UBQLN2: variants seen among roughly 807,000 people sequenced by gnomAD.
UBQLN2 encodes ubiquilin-2.
Under a neutral mutation model 22.2 loss-of-function variants are expected in UBQLN2, and 2 were observed. That is an observed-to-expected ratio of 0.09 (90% CI 0.04 to 0.28). The LOEUF (loss-of-function observed/expected upper bound fraction) is 0.28. UBQLN2 is among the 10% of genes least tolerant of loss of function. The pLI is 1.00. For synonymous variants in UBQLN2, 252 were observed against 206.7 expected, an observed-to-expected ratio of 1.22 and a Z score of -1.88; for missense variants, 446 against 505.1, an observed-to-expected ratio of 0.88 and a Z score of 1.12.
rs1256661025 is a variant in UBQLN2 at position 56,567,479 on chromosome X, T to C, written c.*1731T>C. On this transcript the variant is annotated 3_prime_UTR_variant, in exon 1 of 1. Transcript: ENST00000338222. ...AGAATTGCATTGCTTTCCAGAAACA[T>C]GTTGCCTTGTTTCTGAAAAACTTTA... 8.1e-6 allele frequency: 1 copy of C among 123,027 alleles called. No individual in the cohort carries two copies. The highest frequency in any genetic ancestry group is 1.9e-5 in the Non-Finnish European group (1 of 53,113). The allele number at this position is 123,027 out of a possible 1,213,427, so 10.1% of individuals were successfully genotyped here. A position where few individuals can be genotyped will look rare whatever the true frequency, so the allele number is the denominator to read the frequency against.
In UBQLN2 at chrX:56,563,841, CCTTCCCTGCCCGCCTGCGT is replaced by C. The variant is rs755958281; in HGVS notation, c.-31_-13del. 3 of 1,094,774 alleles carry C rather than the reference CCTTCCCTGCCCGCCTGCGT, an allele frequency of 2.7e-6. No homozygotes were observed. The highest frequency in any genetic ancestry group is 3.6e-6 in the Non-Finnish European group (3 of 824,226). 90.2% of individuals were successfully genotyped at this position (1,094,774 alleles called of 1,213,427 possible). A position where few individuals can be genotyped will look rare whatever the true frequency, so the allele number is the denominator to read the frequency against. ...GCGCTCTCTCTTTCGCCCGCCCGCG[CCTTCCCTGCCCGCCTGCGT>C]CACCGCGGCCGCCATGGCTGAGAAT... On this transcript the variant is annotated 5_prime_UTR_variant, in exon 1 of 1. Transcript: ENST00000338222.
At position 56,564,214 on chromosome X, in the gene UBQLN2, A is replaced by T. The variant is rs201383325; in HGVS notation, c.341A>T (p.Gln114Leu). 1 of 1,208,869 alleles carries T rather than the reference A, an allele frequency of 8.3e-7. No individual in the cohort carries two copies. Among genetic ancestry groups the T allele is most frequent in the East Asian group, 3.0e-5 (1 of 33,743 alleles). ...SQNRPQGQST[Q>L]PSNAAGTNTT... ...AACCGACCTCAGGGCCAGTCCACGC[A>T]GCCTAGCAATGCCGCGGGAACTAAC... Residue 114 changes from glutamine to leucine, a missense_variant, in exon 1 of 1, where the codon CAG becomes CTG. Around this residue, in one of 3 missense-constraint regions of UBQLN2, gnomAD observed 129 missense variants for 198.1 expected, o/e 0.65. Transcript: ENST00000338222.
rs929929551 is a variant in UBQLN2 at position 56,566,364 on chromosome X, A to T, written c.*616A>T. 11 of 130,979 alleles carry T rather than the reference A, an allele frequency of 8.4e-5. No homozygotes were observed. Among genetic ancestry groups the T allele is most frequent in the African/African-American group, 3.6e-4 (11 of 30,945 alleles). The allele number at this position is 130,979 out of a possible 1,213,427, so 10.8% of individuals were successfully genotyped here. ...CATTGATCTTTTTTGCTATATTTGT[A>T]TACAGTACAGTAAGCACAATTGGCA... On this transcript the variant is annotated 3_prime_UTR_variant, in exon 1 of 1. Coordinates refer to ENST00000338222, the MANE Select transcript of UBQLN2 (RefSeq NM_013444.4).
At position 56,564,730 on chromosome X, in the gene UBQLN2, A is replaced by G. The variant is rs2146636094; in HGVS notation, c.857A>G (p.Gln286Arg). 8.3e-7 allele frequency: 1 copy of G among 1,211,714 alleles called. No homozygotes were observed. The highest frequency in any genetic ancestry group is 1.1e-6 in the Non-Finnish European group (1 of 895,513). ...QEPMLNAAQE[Q>R]FGGNPFASVG... ...CCGATGCTGAATGCCGCACAAGAGC[A>G]GTTTGGGGGTAATCCATTTGCCTCC... Residue 286 changes from glutamine (Q) to arginine (R), a missense_variant, in exon 1 of 1, where the codon CAG (glutamine) becomes CGG (arginine). Coordinates refer to ENST00000338222, the MANE Select transcript of UBQLN2 (RefSeq NM_013444.4).
Position 56,567,447 on chromosome X carries a change from G to A in UBQLN2, c.*1699G>A, listed in dbSNP as rs991983752. 8.1e-6 allele frequency: 1 copy of A among 122,906 alleles called. No individual in the cohort carries two copies. The highest frequency in any genetic ancestry group is 1.9e-5 in the Non-Finnish European group (1 of 53,091). The allele number at this position is 122,906 out of a possible 1,213,427, so 10.1% of individuals were successfully genotyped here. ...TTCTCTTAAATTGATATGACTGTGA[G>A]GACTACAGAATTGCATTGCTTTCCA... On this transcript the variant is annotated 3_prime_UTR_variant, in exon 1 of 1. Coordinates refer to ENST00000338222, the MANE Select transcript of UBQLN2 (RefSeq NM_013444.4).
In UBQLN2 at chrX:56,567,814, C is replaced by T. The variant is rs1218340488; in HGVS notation, c.*2066C>T. ...TCAAAATTTATAACATAATTTCTGA[C>T]TGCATGGGTTAAACATTTTCATAAC... On this transcript the variant is annotated 3_prime_UTR_variant, in exon 1 of 1. Transcript: ENST00000338222. The T allele has an allele frequency of 2.5e-5, 3 of 122,412 alleles. No individual in the cohort carries two copies. The highest frequency in any genetic ancestry group is 5.7e-5 in the Non-Finnish European group (3 of 53,031). The allele number at this position is 122,412 out of a possible 1,213,427, so 10.1% of individuals were successfully genotyped here. A position where few individuals can be genotyped will look rare whatever the true frequency, so the allele number is the denominator to read the frequency against.
chrX:56,564,355 C>G lies in UBQLN2; in HGVS notation c.482C>G (p.Ser161Trp), dbSNP rs1406694645. Residue 161 changes from serine (S) to tryptophan (W), a missense_variant, in exon 1 of 1, where the codon TCG becomes TGG. Around this residue, in one of 3 missense-constraint regions of UBQLN2, gnomAD observed 129 missense variants for 198.1 expected, o/e 0.65. Transcript: ENST00000338222. ...LAGLSSLGLS[S>W]TNFSELQSQM... ...GGCCTTAGCAGCCTGGGCTTGAGCT[C>G]GACCAACTTCTCTGAGCTCCAGAGC... 1 of 1,211,667 alleles carries G rather than the reference C, an allele frequency of 8.3e-7. No individual in the cohort carries two copies. Among genetic ancestry groups the G allele is most frequent in the East Asian group, 3.0e-5 (1 of 33,819 alleles).
In UBQLN2 at chrX:56,563,840, G is replaced by A. The variant is rs1298044294; in HGVS notation, c.-34G>A. 1.6e-5 allele frequency: 17 copies of A among 1,085,228 alleles called. No individual in the cohort carries two copies. Among genetic ancestry groups the A allele is most frequent in the Non-Finnish European group, 2.1e-5 (17 of 816,518 alleles). 89.4% of individuals were successfully genotyped at this position (1,085,228 alleles called of 1,213,427 possible). A position where few individuals can be genotyped will look rare whatever the true frequency, so the allele number is the denominator to read the frequency against. ...CGCGCTCTCTCTTTCGCCCGCCCGC[G>A]CCTTCCCTGCCCGCCTGCGTCACCG... On this transcript the variant is annotated 5_prime_UTR_variant, in exon 1 of 1. Coordinates refer to ENST00000338222, the MANE Select transcript of UBQLN2 (RefSeq NM_013444.4).
chrX:56,563,957 T>C lies in UBQLN2; in HGVS notation c.84T>C (p.Ala28=). The change falls in exon 1 of 1, where the codon GCT becomes GCC. Residue 28 remains alanine (A), a synonymous_variant. Transcript: ENST00000338222. ...CCCAAGGCTCGGCTGCTGCCCCGGCTGAGCCTAAAATCATCAAAGTCACGG... is the reference window on the plus strand; with the variant it reads ...CCCAAGGCTCGGCTGCTGCCCCGGCCGAGCCTAAAATCATCAAAGTCACGG... The part of the protein sequence containing the change: ...AAAQGSAAAP[A]EPKIIKVTVK... 1 of 1,163,834 alleles carries C rather than the reference T, an allele frequency of 8.6e-7. No individual in the cohort carries two copies. Among genetic ancestry groups the C allele is most frequent in the Non-Finnish European group, 1.1e-6 (1 of 869,799 alleles).
Position 56,564,050 on chromosome X carries a change from A to G in UBQLN2, c.177A>G (p.Glu59=). The stretch of plus-strand genomic sequence containing the variant: ...ACAGCTCGGTTCAGCAGTTTAAGGA[A>G]GCGATTTCGAAACGCTTCAAATCCC... The part of the protein sequence containing the change: ...PENSSVQQFK[E]AISKRFKSQT... The change falls in exon 1 of 1, where the codon GAA becomes GAG. Residue 59 remains glutamate (E), a synonymous_variant. Transcript: ENST00000338222. The G allele has an allele frequency of 8.3e-7, 1 of 1,199,828 alleles. No homozygotes were observed. Among genetic ancestry groups the G allele is most frequent in the Non-Finnish European group, 1.1e-6 (1 of 888,894 alleles).
Position 56,566,087 on chromosome X carries a change from T to G in UBQLN2, c.*339T>G. On this transcript the variant is annotated 3_prime_UTR_variant, in exon 1 of 1. Coordinates refer to ENST00000338222, the MANE Select transcript of UBQLN2 (RefSeq NM_013444.4). The stretch of plus-strand genomic sequence containing the variant: ...ACTCAAAAGTGTTGCATGCAAACAC[T>G]TCTCTTTATTCTGCATTTATTGTGA... 1 of 297,184 alleles carries G rather than the reference T, an allele frequency of 3.4e-6. No homozygotes were observed. The highest frequency in any genetic ancestry group is 6.2e-6 in the Non-Finnish European group (1 of 161,733). 24.5% of individuals were successfully genotyped at this position (297,184 alleles called of 1,213,427 possible). A position where few individuals can be genotyped will look rare whatever the true frequency, so the allele number is the denominator to read the frequency against.
rs1443876787 is a variant in UBQLN2 at position 56,563,761 on chromosome X, C to T, written c.-113C>T. 5.2e-6 allele frequency: 3 copies of T among 582,104 alleles called. No homozygotes were observed. Among genetic ancestry groups the T allele is most frequent in the Non-Finnish European group, 8.0e-6 (3 of 372,817 alleles). The allele number at this position is 582,104 out of a possible 1,213,427, so 48.0% of individuals were successfully genotyped here. On this transcript the variant is annotated 5_prime_UTR_variant, in exon 1 of 1. Transcript: ENST00000338222. The stretch of plus-strand genomic sequence containing the variant: ...CAGAGGTACCGTGCTCCGCGCTCCC[C>T]GCCTGACCCGGCCCAGCCCGCTGCG...
In UBQLN2 at chrX:56,565,292, T is replaced by C. The variant is rs770763322; in HGVS notation, c.1419T>C (p.Ile473=). The stretch of plus-strand genomic sequence containing the variant: ...TAGCCACTGAAGCACCTGGCCTGAT[T>C]CCGAGCTTCACTCCAGGTGTGGGGG... ...QTLATEAPGL[I]PSFTPGVGVG... The change falls in exon 1 of 1, where the codon ATT becomes ATC. Residue 473 remains isoleucine (I), a synonymous_variant. Transcript: ENST00000338222. The C allele has an allele frequency of 8.3e-7, 1 of 1,211,930 alleles. No homozygotes were observed. The highest frequency in any genetic ancestry group is 1.1e-6 in the Non-Finnish European group (1 of 895,398).
In UBQLN2 at chrX:56,563,757, TC is replaced by T. The variant is rs992341643; in HGVS notation, c.-113del. On this transcript the variant is annotated 5_prime_UTR_variant, in exon 1 of 1. Transcript: ENST00000338222. ...ATCACAGAGGTACCGTGCTCCGCGC[TC>T]CCCGCCTGACCCGGCCCAGCCCGCT... 14 of 548,354 alleles carry T rather than the reference TC, an allele frequency of 2.6e-5. No homozygotes were observed. The African/African-American group carries it at 3.3e-4, about 13-fold the overall frequency. 45.2% of individuals were successfully genotyped at this position (548,354 alleles called of 1,213,427 possible).
chrX:56,567,325 T>C lies in UBQLN2; in HGVS notation c.*1577T>C, dbSNP rs1224536625. On this transcript the variant is annotated 3_prime_UTR_variant, in exon 1 of 1. Coordinates refer to ENST00000338222, the MANE Select transcript of UBQLN2 (RefSeq NM_013444.4). The stretch of plus-strand genomic sequence containing the variant: ...CCTCCTCTTGATCTTTTTTATTTTT[T>C]ACAATATTCTGACGATTCTGACATG... The C allele has an allele frequency of 8.1e-6, 1 of 123,094 alleles. No homozygotes were observed. Among genetic ancestry groups the C allele is most frequent in the Non-Finnish European group, 1.9e-5 (1 of 53,166 alleles). 10.1% of individuals were successfully genotyped at this position (123,094 alleles called of 1,213,427 possible). A position where few individuals can be genotyped will look rare whatever the true frequency, so the allele number is the denominator to read the frequency against.
chrX:56,566,681 G>A lies in UBQLN2; in HGVS notation c.*933G>A, dbSNP rs2068644356. 1.6e-5 allele frequency: 2 copies of A among 123,252 alleles called. No homozygotes were observed. Among genetic ancestry groups the A allele is most frequent in the Admixed American group, 1.9e-4 (2 of 10,572 alleles). The allele number at this position is 123,252 out of a possible 1,213,427, so 10.2% of individuals were successfully genotyped here. A position where few individuals can be genotyped will look rare whatever the true frequency, so the allele number is the denominator to read the frequency against. ...TGTATATGACCTTAATCTTTGTGCA[G>A]CCTGAAGGATCAGTGTAGTAATGCC... On this transcript the variant is annotated 3_prime_UTR_variant, in exon 1 of 1. Coordinates refer to ENST00000338222, the MANE Select transcript of UBQLN2 (RefSeq NM_013444.4).
In UBQLN2 at chrX:56,565,897, G is replaced by A. The variant is rs751538934; in HGVS notation, c.*149G>A. 1.7e-5 allele frequency: 10 copies of A among 594,562 alleles called. No individual in the cohort carries two copies. The highest frequency in any genetic ancestry group is 2.7e-5 in the Non-Finnish European group (10 of 368,951). 49.0% of individuals were successfully genotyped at this position (594,562 alleles called of 1,213,427 possible). ...AGTCTAATATGATGCATTTTAAGAT[G>A]GAGTCCCTCCCTCCTACTTCCCTCA... On this transcript the variant is annotated 3_prime_UTR_variant, in exon 1 of 1. Transcript: ENST00000338222.
At position 56,563,778 on chromosome X, in the gene UBQLN2, C is replaced by G; in HGVS notation, c.-96C>G. Reference sequence around the variant, plus strand: ...GCGCTCCCCGCCTGACCCGGCCCAGCCCGCTGCGGCGGTGCCTCCTTCCTT... The same window carrying G: ...GCGCTCCCCGCCTGACCCGGCCCAGGCCGCTGCGGCGGTGCCTCCTTCCTT... On this transcript the variant is annotated 5_prime_UTR_variant, in exon 1 of 1. Coordinates refer to ENST00000338222, the MANE Select transcript of UBQLN2 (RefSeq NM_013444.4). The G allele has an allele frequency of 1.4e-6, 1 of 691,375 alleles. No homozygotes were observed. The highest frequency in any genetic ancestry group is 2.1e-6 in the Non-Finnish European group (1 of 465,638). 57.0% of individuals were successfully genotyped at this position (691,375 alleles called of 1,213,427 possible).
chrX:56,567,666 A>T lies in UBQLN2; in HGVS notation c.*1918A>T, dbSNP rs2068649045. On this transcript the variant is annotated 3_prime_UTR_variant, in exon 1 of 1. Coordinates refer to ENST00000338222, the MANE Select transcript of UBQLN2 (RefSeq NM_013444.4). ...CTATATAGGAGAAGAATTTATTTGC[A>T]TCGATTATTTTAAATTGGCAATTTA... 1 of 123,170 alleles carries T rather than the reference A, an allele frequency of 8.1e-6. No homozygotes were observed. The highest frequency in any genetic ancestry group is 9.5e-5 in the Admixed American group (1 of 10,543). 10.2% of individuals were successfully genotyped at this position (123,170 alleles called of 1,213,427 possible).
Sources: gnomAD v4.1 joint callset for allele counts on GRCh38, gnomAD v4.1.1 for gene constraint, gnomAD v4.1.1 regional missense constraint, MANE v1.5 for transcripts, NCBI Gene and HGNC (gene_info 2026-07-23, HGNC 2026-07-21) for gene names.